The following KLHL29 variants were observed in gnomAD, a reference collection of about 807,000 sequenced individuals.
The protein encoded by KLHL29 is kelch-like protein 29.
A neutral mutation model predicts 80.4 loss-of-function variants in KLHL29; 21 were observed. The observed-to-expected ratio is 0.26, with a 90% CI of 0.19 to 0.38. The LOEUF (loss-of-function observed/expected upper bound fraction) is 0.38. Among genes scored for constraint, KLHL29 ranks in the 10% least tolerant of loss-of-function variants. KLHL29 has a pLI of 1.00. For missense variants in KLHL29, 867 were observed against 1,223.9 expected, an observed-to-expected ratio of 0.71 and a Z score of 4.35; for synonymous variants, 511 against 526.8, an observed-to-expected ratio of 0.97 and a Z score of 0.41.
At chr2:23,433,719 G>C (rs1663250759) in intron 1 of KLHL29, among the ~76,000 whole-genome samples, 1 of 152,070 alleles carries the variant, frequency 6.6e-6, no homozygotes, top group African/African-American at 2.4e-5. Flanking sequence ...TTCAAGACTA[G>C]CCCAGGCAAC....
chr2:23,544,710 A>G (rs776157658), intron 2 of KLHL29, among the ~76,000 whole-genome samples: 3 of 152,202 alleles, frequency 2.0e-5, no homozygotes, highest in African/African-American at 4.8e-5. Flanking sequence ...CTGGAAGGCA[A>G]TAAGAACGCT....
At chr2:23,706,345 A>G in intron 13 of KLHL29, 136 bp from the exon 14 acceptor site, 4 of 625,970 alleles carry the variant, frequency 6.4e-6, no homozygotes, top group Non-Finnish European at 9.8e-6. Context: ...TTAGAGGGCA[A>G]AGAAGGGCAG....
In KLHL29 at chr2:23,526,518, A is replaced by G. The variant is rs142250582; in HGVS notation, c.-45-35634A>G. On this transcript the variant is annotated intron_variant, in intron 2 of 13. Coordinates refer to ENST00000486442, the MANE Select transcript of KLHL29 (RefSeq NM_052920.2). ...CAGGTGAGGTGTCTGGACGAGATCC[A>G]GCAGATGGTGGGAAAAACCACTGAA... 2.8e-3 allele frequency among the ~76,000 whole-genome samples: 422 copies of G among 152,324 alleles called. 4 individuals are homozygous for G. Among genetic ancestry groups the G allele is most frequent in the African/African-American group, 9.7e-3 (402 of 41,590 alleles).
intron 1 of KLHL29, among the ~76,000 whole-genome samples, chr2:23,418,073 A>G (rs1333269669): frequency 6.6e-6 from 1 of 152,116 alleles, no homozygotes; most frequent in East Asian, 1.9e-4. Flanking sequence ...TCCCTGGCAT[A>G]TTGTAGACAC....
chr2:23,417,388 C>G (rs1310505779), intron 1 of KLHL29, among the ~76,000 whole-genome samples: 1 of 152,216 alleles, frequency 6.6e-6, no homozygotes, highest in African/African-American at 2.4e-5. Flanking sequence ...AGTGAATCAT[C>G]TGCCTGCAAG....
At chr2:23,403,685 G>A (rs1488531531) in intron 1 of KLHL29, among the ~76,000 whole-genome samples, 1 of 151,022 alleles carries the variant, frequency 6.6e-6, no homozygotes, top group East Asian at 1.9e-4. Flanking sequence ...ATCCAAAAGA[G>A]AAAAGAAAGG....
chr2:23,655,481 G>A (rs1455271362), intron 5 of KLHL29, among the ~76,000 whole-genome samples: 2 of 152,220 alleles, frequency 1.3e-5, no homozygotes, highest in Non-Finnish European at 2.9e-5. Flanking sequence ...TATAGGAACT[G>A]TCTTCCTGCT....
At chr2:23,530,234 A>G (rs1316879358) in intron 2 of KLHL29, among the ~76,000 whole-genome samples, 5 of 152,178 alleles carry the variant, frequency 3.3e-5, no homozygotes, top group Admixed American at 2.0e-4. Flanking sequence ...CGAAGTCTTT[A>G]TCCTCTTCTG....
Position 23,684,248 on chromosome 2 carries a change from G to T in KLHL29, c.941-151G>T. ...ATGCATTATGTTTGTGACTTCTTTT[G>T]ACTGTCAGTGTTGAGCCAGTCTTGC... On this transcript the variant is annotated intron_variant, in intron 5 of 13. Coordinates refer to ENST00000486442, the MANE Select transcript of KLHL29 (RefSeq NM_052920.2). This position sits in a 1 kb window ranked among gnomAD's most constrained non-coding sequence, Gnocchi z 4.4. The T allele has an allele frequency of 2.1e-6, 1 of 487,548 alleles. No individual in the cohort carries two copies. Among genetic ancestry groups the T allele is most frequent in the Non-Finnish European group, 3.3e-6 (1 of 301,528 alleles). The allele number at this position is 487,548 out of a possible 1,614,324, so 30.2% of individuals were successfully genotyped here.
intron 1 of KLHL29, among the ~76,000 whole-genome samples, chr2:23,404,836 CCAGA>C (rs1666686747): frequency 6.6e-6 from 1 of 152,206 alleles, no homozygotes; most frequent in African/African-American, 2.4e-5. Context: ...GGAGTTTTCT[CCAGA>C]CAGACAGTTC....
At chr2:23,477,403 C>T (rs1036298295) in intron 2 of KLHL29, among the ~76,000 whole-genome samples, 3 of 152,270 alleles carry the variant, frequency 2.0e-5, no homozygotes, top group Non-Finnish European at 4.4e-5. Context: ...GAAAATATGG[C>T]TTTGGAATCT....
At chr2:23,515,674 G>A (rs1431941311) in intron 2 of KLHL29, among the ~76,000 whole-genome samples, 1 of 152,232 alleles carries the variant, frequency 6.6e-6, no homozygotes, top group Non-Finnish European at 1.5e-5. Context: ...TCCTGTGAAC[G>A]AGGATCTAAA....
At chr2:23,554,806 A>G (rs963043617) in intron 2 of KLHL29, among the ~76,000 whole-genome samples, 2 of 152,058 alleles carry the variant, frequency 1.3e-5, no homozygotes, top group Non-Finnish European at 2.9e-5. Flanking sequence ...TTACTCATGA[A>G]TTATTCATGG....
At chr2:23,665,601 C>T (rs6733007) in intron 5 of KLHL29, among the ~76,000 whole-genome samples, 96,081 of 152,110 alleles carry the variant, frequency 0.63, 31,847 homozygotes, top group East Asian at 0.93. Context: ...ATTTGGCTCA[C>T]GGTTCTGCAG....
At position 23,681,443 on chromosome 2, in the gene KLHL29, A is replaced by G. The variant is rs1671080493; in HGVS notation, c.941-2956A>G. On this transcript the variant is annotated intron_variant, in intron 5 of 13. Transcript: ENST00000486442. The surrounding 1 kb of genome is among the most constrained non-coding windows in gnomAD (Gnocchi z 4.2). ...CGGGGCTGGGGCTTTAGATAGAATCATTGCCGGGACCTCGATTTGAAAGGA... is the reference window on the plus strand; with the variant it reads ...CGGGGCTGGGGCTTTAGATAGAATCGTTGCCGGGACCTCGATTTGAAAGGA... 6.6e-6 allele frequency among the ~76,000 whole-genome samples: 1 copy of G among 152,174 alleles called. No individual in the cohort carries two copies. Among genetic ancestry groups the G allele is most frequent in the African/African-American group, 2.4e-5 (1 of 41,440 alleles).
chr2:23,400,447 T>A (rs1666572133), intron 1 of KLHL29, among the ~76,000 whole-genome samples: 1 of 152,182 alleles, frequency 6.6e-6, no homozygotes, highest in African/African-American at 2.4e-5. Flanking sequence ...GGTGAGTTTG[T>A]AGCCTCTGAG....
chr2:23,703,071 C>A, intron 11 of KLHL29, 115 bp from the exon 12 acceptor site: 1 of 689,732 alleles, frequency 1.4e-6, no homozygotes, highest in Non-Finnish European at 2.2e-6. Flanking sequence ...TGATCTCAGG[C>A]TATGCTGGCC....
intron 2 of KLHL29, among the ~76,000 whole-genome samples, chr2:23,523,081 G>A (rs1223186046): frequency 1.3e-5 from 2 of 151,706 alleles, no homozygotes; most frequent in African/African-American, 4.8e-5. Context: ...AACCTTGGGG[G>A]GCAGAGGCAT....
chr2:23,685,987 G>A (rs1671241147), intron 6 of KLHL29, among the ~76,000 whole-genome samples: 1 of 152,222 alleles, frequency 6.6e-6, no homozygotes, highest in South Asian at 2.1e-4. Context: ...GGAGCACAGG[G>A]CCCTCGGATG....
Sources: allele counts gnomAD v4.1 joint callset (sites outside exome capture counted in the v4.1 genomes callset), GRCh38; gene constraint gnomAD v4.1.1; non-coding constraint Gnocchi (gnomAD v3.1); transcripts MANE v1.5; gene names NCBI Gene and HGNC (gene_info 2026-07-23, HGNC 2026-07-21).